SLCO3A1: variants seen among roughly 807,000 people sequenced by gnomAD.
The protein encoded by SLCO3A1 is PGE1 transporter.
Under a neutral mutation model 63.1 loss-of-function variants are expected in SLCO3A1, and 27 were observed. The ratio of observed to expected loss-of-function variants is 0.43; its 90% CI spans 0.32 to 0.59. The LOEUF (loss-of-function observed/expected upper bound fraction) is 0.59, where lower values mean the gene tolerates loss of function less well. Ranked by LOEUF, SLCO3A1 falls within the 20% of genes least tolerant of loss-of-function variation. The pLI, the probability that SLCO3A1 is intolerant of heterozygous loss-of-function variation, is 0.09. For missense variants in SLCO3A1, 773 were observed against 945.8 expected (o/e 0.82, Z 2.40); for synonymous variants, 473 against 409.9 (o/e 1.15, Z -1.86).
At chr15:92,036,801 G>A (rs2046733299) in intron 2 of SLCO3A1, among the ~76,000 whole-genome samples, 1 of 152,094 alleles carries the variant, frequency 6.6e-6, no homozygotes, top group South Asian at 2.1e-4. Context: ...AAATCTCGTG[G>A]TAATTACATT....
chr15:91,984,727 G>A (rs554745948), intron 2 of SLCO3A1, among the ~76,000 whole-genome samples: 4 of 152,254 alleles, frequency 2.6e-5, no homozygotes, highest in Non-Finnish European at 5.9e-5. Context: ...GAGTCACTTA[G>A]AGTGACATTT....
intron 2 of SLCO3A1, among the ~76,000 whole-genome samples, chr15:91,957,159 AT>A (rs113837519): frequency 0.21 from 2,982 of 14,450 alleles, 1,053 homozygotes; most frequent in African/African-American, 0.42. Context: ...ATATATATAT[AT>A]TTTTTTTTTT....
rs957828881 is a variant in SLCO3A1 at position 92,164,667 on chromosome 15, C to T, written c.*1532C>T. 7 of 985,226 alleles carry T rather than the reference C, an allele frequency of 7.1e-6. No homozygotes were observed. The East Asian group carries it at 3.4e-4, about 48-fold the overall frequency. The allele number at this position is 985,226 out of a possible 1,614,324, so 61.0% of individuals were successfully genotyped here. On this transcript the variant is annotated 3_prime_UTR_variant, in exon 10 of 10. Coordinates refer to ENST00000318445, the MANE Select transcript of SLCO3A1 (RefSeq NM_013272.4). ...CCTGGAAGCTGTCGTGTGTCCAATG[C>T]GTGAAAATGTCTGTGACATTTTCAG...
chr15:92,005,520 G>A (rs1296902617), intron 2 of SLCO3A1, among the ~76,000 whole-genome samples: 1 of 152,204 alleles, frequency 6.6e-6, no homozygotes, highest in Non-Finnish European at 1.5e-5. Context: ...AGGTTTCAAG[G>A]CAAGCGTGAG....
chr15:91,991,963 T>C (rs147605172), intron 2 of SLCO3A1, among the ~76,000 whole-genome samples: 5 of 152,262 alleles, frequency 3.3e-5, no homozygotes, highest in African/African-American at 1.2e-4. Context: ...AAGAAATAGA[T>C]AGAAAAGAAT....
At position 92,133,445 on chromosome 15, in the gene SLCO3A1, A is replaced by G. The variant is rs1047602846; in HGVS notation, c.1512+4956A>G. 3.4e-5 allele frequency among the ~76,000 whole-genome samples: 5 copies of G among 146,098 alleles called. 1 individual carries two copies. Among genetic ancestry groups the G allele is most frequent in the Non-Finnish European group, 6.1e-5 (4 of 65,198 alleles). On this transcript the variant is annotated intron_variant, in intron 7 of 9. Coordinates refer to ENST00000318445, the MANE Select transcript of SLCO3A1 (RefSeq NM_013272.4). Reference sequence around the variant, plus strand: ...TCTAGCACCAGTGCCAGTCTGCGGTACTGGTACTGTTGGGAACTGGGCCGC... The same window carrying G: ...TCTAGCACCAGTGCCAGTCTGCGGTGCTGGTACTGTTGGGAACTGGGCCGC...
chr15:92,124,820 G>A lies in SLCO3A1; in HGVS notation c.1175-1241G>A, dbSNP rs546146125. Among the ~76,000 whole-genome samples, 151 of 152,190 alleles carry A rather than the reference G, an allele frequency of 9.9e-4. 1 individual carries two copies. The highest frequency in any genetic ancestry group is 3.4e-3 in the African/African-American group (140 of 41,524). On this transcript the variant is annotated intron_variant, in intron 5 of 9. Coordinates refer to ENST00000318445, the MANE Select transcript of SLCO3A1 (RefSeq NM_013272.4). Reference sequence around the variant, plus strand: ...TAGGGGCCAGCCAAGTAAACACATCGGGCAAGTGTCCCAGGAGAGGGAACT... The same window carrying A: ...TAGGGGCCAGCCAAGTAAACACATCAGGCAAGTGTCCCAGGAGAGGGAACT...
intron 2 of SLCO3A1, among the ~76,000 whole-genome samples, chr15:92,052,142 G>A (rs1247433787): frequency 6.6e-6 from 1 of 152,130 alleles, no homozygotes; most frequent in African/African-American, 2.4e-5. Flanking sequence ...TGCTGAGTGT[G>A]CACAGAACTT....
chr15:91,856,353 C>T lies in SLCO3A1; in HGVS notation c.180+2265C>T, dbSNP rs911486252. On this transcript the variant is annotated intron_variant, in intron 1 of 9. Transcript: ENST00000318445. The surrounding 1 kb of genome is among the most constrained non-coding windows in gnomAD (Gnocchi z 4.9). ...TAAGGCTCTAAGGGCTCTGCTTTGC[C>T]CGGCTGCCCTCGTCTTTGCCTTGCC... Among the ~76,000 whole-genome samples the T allele has an allele frequency of 5.9e-5, 9 of 152,070 alleles. No homozygotes were observed. The highest frequency in any genetic ancestry group is 2.2e-4 in the African/African-American group (9 of 41,402).
At chr15:92,024,187 C>T (rs1184983819) in intron 2 of SLCO3A1, among the ~76,000 whole-genome samples, 1 of 152,242 alleles carries the variant, frequency 6.6e-6, no homozygotes, top group Non-Finnish European at 1.5e-5. Flanking sequence ...GCAAAAGAAA[C>T]TGATGCAATC....
At chr15:92,136,968 C>CT (rs60449563) in intron 7 of SLCO3A1, among the ~76,000 whole-genome samples, 47,403 of 140,942 alleles carry the variant, frequency 0.34, 8,816 homozygotes, top group East Asian at 0.71. Flanking sequence ...AGTAGTCTGT[C>CT]TTTTTTTTTT....
intron 4 of SLCO3A1, among the ~76,000 whole-genome samples, chr15:92,117,392 T>C (rs1017398707): frequency 2.0e-5 from 3 of 152,210 alleles, no homozygotes; most frequent in Non-Finnish European, 4.4e-5. Context: ...ACTCTGAAGA[T>C]TCTGCACCCT....
intron 2 of SLCO3A1, among the ~76,000 whole-genome samples, chr15:92,009,127 A>T (rs2046343026): frequency 6.6e-6 from 1 of 152,208 alleles, no homozygotes. Context: ...ATCCAAGTCA[A>T]GGTCAAGGGC....
intron 2 of SLCO3A1, among the ~76,000 whole-genome samples, chr15:92,030,710 A>T (rs1307588715): frequency 1.3e-5 from 2 of 152,116 alleles, no homozygotes; most frequent in Admixed American, 6.5e-5. Flanking sequence ...GTCCCACCCC[A>T]CCATGGCAGA....
chr15:91,977,384 G>A (rs1400540322), intron 2 of SLCO3A1, among the ~76,000 whole-genome samples: 1 of 152,176 alleles, frequency 6.6e-6, no homozygotes, highest in African/African-American at 2.4e-5. Context: ...CAAGTTGTCG[G>A]TAACACACTT....
chr15:92,021,703 A>C (rs528048280), intron 2 of SLCO3A1, among the ~76,000 whole-genome samples: 20 of 152,356 alleles, frequency 1.3e-4, no homozygotes, highest in African/African-American at 4.3e-4. Flanking sequence ...AAAATGAATA[A>C]GACACAGCCC....
intron 2 of SLCO3A1, among the ~76,000 whole-genome samples, chr15:91,923,164 A>G (rs994981884): frequency 6.6e-6 from 1 of 152,234 alleles, no homozygotes; most frequent in Admixed American, 6.5e-5. Context: ...CTACCTGGCC[A>G]GGCTTTCCAT....
At chr15:91,957,367 C>G (rs1900278344) in intron 2 of SLCO3A1, among the ~76,000 whole-genome samples, 1 of 150,774 alleles carries the variant, frequency 6.6e-6, no homozygotes, top group Non-Finnish European at 1.5e-5. Flanking sequence ...CCATTCCCAT[C>G]ACACCTGCAA....
chr15:92,086,716 C>A (rs1453724705), intron 2 of SLCO3A1, among the ~76,000 whole-genome samples: 1 of 152,146 alleles, frequency 6.6e-6, no homozygotes, highest in Non-Finnish European at 1.5e-5. Context: ...TGGCTCATGC[C>A]TGTAATCCTA....
Sources: gnomAD v4.1 joint callset for allele counts (sites outside exome capture counted in the v4.1 genomes callset) on GRCh38, gnomAD v4.1.1 for gene constraint, Gnocchi (gnomAD v3.1) non-coding constraint, MANE v1.5 for transcripts, NCBI Gene and HGNC (gene_info 2026-07-23, HGNC 2026-07-21) for gene names.